PDE6B: variants seen among roughly 807,000 people sequenced by gnomAD.
The protein encoded by PDE6B is rod cGMP-specific 3',5'-cyclic phosphodiesterase subunit beta.
Under a neutral mutation model 109.0 loss-of-function variants are expected in PDE6B, and 106 were observed. The observed-to-expected ratio is 0.97, with a 90% CI of 0.83 to 1.14. The LOEUF (loss-of-function observed/expected upper bound fraction) is 1.14. PDE6B is among the 50% of genes most tolerant of loss of function. The pLI is 0.00. For missense variants in PDE6B, 1,193 were observed against 1,155.6 expected (o/e 1.03, Z -0.47); for synonymous variants, 490 against 471.3 (o/e 1.04, Z -0.51).
At chr4:647,485 A>G (rs1735262279) in intron 3 of PDE6B, among the ~76,000 whole-genome samples, 1 of 151,994 alleles carries the variant, frequency 6.6e-6, no homozygotes, top group South Asian at 2.1e-4. Flanking sequence ...CGAGCACCTG[A>G]GACAGTGGGC....
intron 3 of PDE6B, chr4:652,653 C>A: frequency 4.1e-6 from 1 of 243,048 alleles, no homozygotes; most frequent in Non-Finnish European, 6.6e-6. Flanking sequence ...CAGCCGTTTT[C>A]ATGGCCTTGC....
chr4:656,412 G>T, intron 8 of PDE6B, 120 bp downstream of exon 8: 1 of 769,398 alleles, frequency 1.3e-6, no homozygotes, highest in Non-Finnish European at 2.3e-6. Flanking sequence ...AGGCATGGTG[G>T]CTCACGCCTG....
chr4:659,532 CGT>C (rs1453289929), intron 11 of PDE6B, among the ~76,000 whole-genome samples: 2 of 145,796 alleles, frequency 1.4e-5, no homozygotes, highest in Non-Finnish European at 3.0e-5. Flanking sequence ...TGTGTGCACA[CGT>C]GGGCGTCTGC....
Position 635,951 on chromosome 4 carries a change from C to A in PDE6B, c.693C>A (p.Cys231Ter). 6.2e-7 allele frequency: 1 copy of A among 1,604,716 alleles called. No individual in the cohort carries two copies. The highest frequency in any genetic ancestry group is 1.1e-5 in the South Asian group (1 of 90,878). ...KIYHLSYLHN[C>*]ETRRGQVLLW... ...ATCACCTGAGCTACCTCCACAACTG[C>A]GAGACGCGCCGCGGCCAGGTACCCA... is the stretch of plus-strand genomic sequence containing the variant. The change falls in exon 3 of 22, where the codon TGC becomes TGA. Residue 231 changes from cysteine (C) to a stop codon, truncating the protein, a stop_gained. Coordinates refer to ENST00000496514, the MANE Select transcript of PDE6B (RefSeq NM_000283.4). LOFTEE classifies it high-confidence loss of function.
In PDE6B at chr4:626,036, G is replaced by C; in HGVS notation, c.410G>C (p.Gly137Ala). 4 of 1,596,306 alleles carry C rather than the reference G, an allele frequency of 2.5e-6. No homozygotes were observed. The highest frequency in any genetic ancestry group is 3.4e-6 in the Non-Finnish European group (4 of 1,172,276). ...GAGATCGTCTTCCCACTGGACATCG[G>C]GGTCGTGGGCCACGTGGCTCAGACC... ...DSEIVFPLDI[G>A]VVGHVAQTKK... Residue 137 changes from glycine to alanine, a missense_variant, in exon 1 of 22, where the codon GGG becomes GCG. Transcript: ENST00000496514. The surrounding 1 kb of genome is among the most constrained non-coding windows in gnomAD (Gnocchi z 4.6).
Position 660,391 on chromosome 4 carries a change from T to C in PDE6B, c.1468-76T>C, listed in dbSNP as rs1736918649. 1.9e-5 allele frequency: 28 copies of C among 1,449,168 alleles called. No homozygotes were observed. In the South Asian group the frequency reaches 3.0e-4, roughly 15 times the overall value. 89.8% of individuals were successfully genotyped at this position (1,449,168 alleles called of 1,614,324 possible). ...GGTGTCTGAGGCTTGGCAGGGGATC[T>C]GGAGAGAAGAAAGGATGAGAAGCAA... is the stretch of plus-strand genomic sequence containing the variant. On this transcript the variant is annotated intron_variant, in intron 11 of 21. Transcript: ENST00000496514.
rs528710234 is a variant in PDE6B, at chr4:636,681, G to C, written c.711+712G>C. 6.6e-6 allele frequency among the ~76,000 whole-genome samples: 1 copy of C among 152,176 alleles called. No individual in the cohort carries two copies. The highest frequency in any genetic ancestry group is 1.5e-5 in the Non-Finnish European group (1 of 68,016). ...ACGGCGGTCACCTCCTGCCTTCTCCGTGTCTTGTTCTGCCTGCGGATGCTG... is the reference window on the plus strand; with the variant it reads ...ACGGCGGTCACCTCCTGCCTTCTCCCTGTCTTGTTCTGCCTGCGGATGCTG... On this transcript the variant is annotated intron_variant, in intron 3 of 21. Coordinates refer to ENST00000496514, the MANE Select transcript of PDE6B (RefSeq NM_000283.4). This position sits in a 1 kb window ranked among gnomAD's most constrained non-coding sequence, Gnocchi z 4.5.
chr4:645,226 G>A (rs555567304), intron 3 of PDE6B, among the ~76,000 whole-genome samples: 1 of 151,398 alleles, frequency 6.6e-6, no homozygotes, highest in African/African-American at 2.4e-5. Context: ...CATATATAGG[G>A]TCAGGTCTTA....
At chr4:659,094 G>T (rs10023609) in intron 11 of PDE6B, 77 bp downstream of exon 11, 1 of 1,070,862 alleles carries the variant, frequency 9.3e-7, no homozygotes, top group Non-Finnish European at 1.4e-6. Flanking sequence ...GCATTCTCCG[G>T]GACCCGACGG....
At position 662,645 on chromosome 4, in the gene PDE6B, A is replaced by G; in HGVS notation, c.1832+27A>G. ...TAGGCACCTCAGGGCGGGCATGTGAATTAGCCCTAAATCAACTCCACGCCC... is the reference window on the plus strand; with the variant it reads ...TAGGCACCTCAGGGCGGGCATGTGAGTTAGCCCTAAATCAACTCCACGCCC... On this transcript the variant is annotated intron_variant, in intron 14 of 21. Coordinates refer to ENST00000496514, the MANE Select transcript of PDE6B (RefSeq NM_000283.4). The surrounding 1 kb of genome is among the most constrained non-coding windows in gnomAD (Gnocchi z 4.3). 7.3e-7 allele frequency: 1 copy of G among 1,370,200 alleles called. No homozygotes were observed. The highest frequency in any genetic ancestry group is 1.0e-6 in the Non-Finnish European group (1 of 958,062). The allele number at this position is 1,370,200 out of a possible 1,614,324, so 84.9% of individuals were successfully genotyped here. A position where few individuals can be genotyped will look rare whatever the true frequency, so the allele number is the denominator to read the frequency against.
chr4:629,182 G>T (rs913470597), intron 1 of PDE6B, among the ~76,000 whole-genome samples: 1 of 152,236 alleles, frequency 6.6e-6, no homozygotes, highest in Non-Finnish European at 1.5e-5. Flanking sequence ...GTCGGGTGCA[G>T]AGAGGGAGGA....
At chr4:630,337 T>C (rs1321413365) in intron 1 of PDE6B, among the ~76,000 whole-genome samples, 2 of 151,908 alleles carry the variant, frequency 1.3e-5, no homozygotes, top group Non-Finnish European at 2.9e-5. Context: ...CCGCTGAGGC[T>C]GGAAGCTGCA....
In PDE6B at chr4:662,856, A is replaced by T. The variant is rs1167926658; in HGVS notation, c.1832+238A>T. 6.8e-6 allele frequency among the ~76,000 whole-genome samples: 1 copy of T among 146,016 alleles called. No individual in the cohort carries two copies. Among genetic ancestry groups the T allele is most frequent in the African/African-American group, 2.5e-5 (1 of 39,820 alleles). The stretch of plus-strand genomic sequence containing the variant: ...ACTTAAAAAAAAAAAAAAAAAAAAA[A>T]GCTGTGTATGGTGGCGCACACCTGT... On this transcript the variant is annotated intron_variant, in intron 14 of 21. Transcript: ENST00000496514. This position sits in a 1 kb window ranked among gnomAD's most constrained non-coding sequence, Gnocchi z 4.3.
intron 17 of PDE6B, 135 bp from the exon 18 acceptor site, chr4:664,746 C>T (rs938306662): frequency 2.8e-5 from 22 of 778,290 alleles, no homozygotes; most frequent in Non-Finnish European, 4.5e-5. Context: ...GCGGAGGTTG[C>T]AGTGAGCTGA....
At chr4:659,708 G>T (rs574531945) in intron 11 of PDE6B, among the ~76,000 whole-genome samples, 278 of 147,034 alleles carry the variant, frequency 1.9e-3, no homozygotes, top group African/African-American at 6.7e-3. Context: ...TTGTGTGTGT[G>T]TGCCCGTGTG....
chr4:653,438 C>T (rs1373573920), intron 3 of PDE6B: 29 of 801,584 alleles, frequency 3.6e-5, no homozygotes, highest in Middle Eastern at 1.1e-3. Context: ...CACTCTCAGA[C>T]GCTTGGCGGA....
At chr4:642,186 AC>A (rs915738724) in intron 3 of PDE6B, among the ~76,000 whole-genome samples, 2 of 151,874 alleles carry the variant, frequency 1.3e-5, no homozygotes, top group African/African-American at 4.8e-5. Context: ...GAATGACATC[AC>A]CCAGCTGGGC....
At position 663,110 on chromosome 4, in the gene PDE6B, C is replaced by T. The variant is rs1313383856; in HGVS notation, c.1843C>T (p.Pro615Ser). ...NNLYQMKSQNPLAKLHGSSIL... is the reference protein window; with the variant it reads ...NNLYQMKSQNSLAKLHGSSIL... Reference sequence around the variant, plus strand: ...CCACCTGTGTAACAGGTCCCAGAACCCCTTGGCTAAGCTCCACGGCTCCTC... The same window carrying T: ...CCACCTGTGTAACAGGTCCCAGAACTCCTTGGCTAAGCTCCACGGCTCCTC... Residue 615 changes from proline to serine, a missense_variant, in exon 15 of 22, where the codon CCC becomes TCC. Coordinates refer to ENST00000496514, the MANE Select transcript of PDE6B (RefSeq NM_000283.4). This position sits in a 1 kb window ranked among gnomAD's most constrained non-coding sequence, Gnocchi z 4.0. 1.2e-6 allele frequency: 2 copies of T among 1,607,660 alleles called. No individual in the cohort carries two copies. The highest frequency in any genetic ancestry group is 1.7e-6 in the Non-Finnish European group (2 of 1,174,310).
At chr4:657,289 A>G in intron 9 of PDE6B, 62 bp from the exon 10 acceptor site, 6 of 1,596,878 alleles carry the variant, frequency 3.8e-6, no homozygotes, top group Non-Finnish European at 5.1e-6. Context: ...CCTGGCACAC[A>G]GGCACATGGG....
Sources: allele counts gnomAD v4.1 joint callset (sites outside exome capture counted in the v4.1 genomes callset), GRCh38; gene constraint gnomAD v4.1.1; non-coding constraint Gnocchi (gnomAD v3.1); transcripts MANE v1.5; gene names NCBI Gene and HGNC (gene_info 2026-07-23, HGNC 2026-07-21).